KCNH1: variants seen among roughly 807,000 people sequenced by gnomAD.
The protein encoded by KCNH1 is potassium voltage-gated channel subfamily H member 1.
KCNH1 carries 27 observed loss-of-function variants against 69.2 expected under a neutral mutation model. The observed-to-expected ratio is 0.39, with a 90% CI of 0.29 to 0.54. The LOEUF (loss-of-function observed/expected upper bound fraction) is 0.54. Among genes scored for constraint, KCNH1 ranks in the 20% least tolerant of loss-of-function variants. The probability of loss-of-function intolerance (pLI) is 0.68; values close to 1 mark genes in which losing one functional copy is unlikely to be tolerated. For synonymous variants in KCNH1, 456 were observed against 487.7 expected, an observed-to-expected ratio of 0.93 and a Z score of 0.86; for missense variants, 798 against 1,261.6, an observed-to-expected ratio of 0.63 and a Z score of 5.57.
intron 7 of KCNH1, among the ~76,000 whole-genome samples, chr1:210,821,740 CTATT>C (rs1269157729): frequency 6.6e-6 from 1 of 152,088 alleles, no homozygotes; most frequent in Non-Finnish European, 1.5e-5. Flanking sequence ...AGCTGTACGA[CTATT>C]TAATTTGAAA....
chr1:210,754,251 A>T (rs1477278815), intron 10 of KCNH1, among the ~76,000 whole-genome samples: 1 of 152,104 alleles, frequency 6.6e-6, no homozygotes, highest in East Asian at 1.9e-4. Context: ...CCAAAGGGAA[A>T]AAAATACTTC....
intron 10 of KCNH1, among the ~76,000 whole-genome samples, chr1:210,703,295 A>G (rs1480418362): frequency 6.6e-6 from 1 of 152,226 alleles, no homozygotes; most frequent in African/African-American, 2.4e-5. Flanking sequence ...AGATCACAGA[A>G]AAGGAAATTT....
At chr1:210,850,323 C>T (rs1216803355) in intron 7 of KCNH1, among the ~76,000 whole-genome samples, 1 of 151,948 alleles carries the variant, frequency 6.6e-6, no homozygotes, top group African/African-American at 2.4e-5. Flanking sequence ...CATGGTGAAA[C>T]CCAGTCTCTA....
chr1:210,788,962 C>T (rs1326896994), intron 9 of KCNH1, among the ~76,000 whole-genome samples: 3 of 149,026 alleles, frequency 2.0e-5, no homozygotes, highest in South Asian at 4.2e-4. Flanking sequence ...TCCCAAAGTG[C>T]TGGGATTACA....
intron 7 of KCNH1, among the ~76,000 whole-genome samples, chr1:210,814,209 G>A (rs1455211839): frequency 1.3e-5 from 2 of 152,072 alleles, no homozygotes; most frequent in Non-Finnish European, 2.9e-5. Context: ...GGAGACAAGA[G>A]ATGCAATTTG....
intron 10 of KCNH1, among the ~76,000 whole-genome samples, chr1:210,742,517 C>T (rs17016833): frequency 0.011 from 1,653 of 152,302 alleles, 76 homozygotes; most frequent in Admixed American, 0.075. Context: ...TGGGATTTCT[C>T]CTGGTACAAT....
intron 7 of KCNH1, among the ~76,000 whole-genome samples, chr1:210,911,907 C>G (rs1687239798): frequency 6.6e-6 from 1 of 152,152 alleles, no homozygotes; most frequent in East Asian, 1.9e-4. Flanking sequence ...CCCTCTTTCC[C>G]TTCCTGATTC....
intron 5 of KCNH1, among the ~76,000 whole-genome samples, chr1:211,060,386 G>A (rs6657055): frequency 0.38 from 44,192 of 116,814 alleles, 8,439 homozygotes; most frequent in Middle Eastern, 0.49. Context: ...GGGCGACAGA[G>A]CGAGACTCCG....
intron 3 of KCNH1, among the ~76,000 whole-genome samples, chr1:211,092,613 AG>A (rs1225669930): frequency 6.6e-6 from 1 of 152,208 alleles, no homozygotes; most frequent in African/African-American, 2.4e-5. Context: ...AGCATTTCAA[AG>A]TCAAGAATAT....
chr1:210,788,900 T>A (rs893864391), intron 9 of KCNH1, among the ~76,000 whole-genome samples: 1 of 148,618 alleles, frequency 6.7e-6, no homozygotes, highest in Middle Eastern at 3.4e-3. Flanking sequence ...GTTTCACCGT[T>A]TTAGCCGGGA....
intron 10 of KCNH1, among the ~76,000 whole-genome samples, chr1:210,736,817 C>CA (rs1461209084): frequency 6.6e-6 from 1 of 152,152 alleles, no homozygotes; most frequent in Non-Finnish European, 1.5e-5. Flanking sequence ...CATCAAGGCT[C>CA]TAATTCTCAC....
chr1:210,715,848 G>A (rs1048613157), intron 10 of KCNH1, among the ~76,000 whole-genome samples: 4 of 152,102 alleles, frequency 2.6e-5, no homozygotes. Context: ...AACCTCGGTG[G>A]AAGGTTTCCT....
chr1:210,780,993 G>A (rs1683968558), intron 9 of KCNH1, among the ~76,000 whole-genome samples: 1 of 152,162 alleles, frequency 6.6e-6, no homozygotes, highest in Non-Finnish European at 1.5e-5. Flanking sequence ...CTTGCAGTGA[G>A]CCGAGATCGC....
chr1:211,096,334 G>T (rs1316636459), intron 3 of KCNH1, among the ~76,000 whole-genome samples: 1 of 152,034 alleles, frequency 6.6e-6, no homozygotes, highest in African/African-American at 2.4e-5. Flanking sequence ...AAAGTGCTGT[G>T]ATTACAGGTG....
intron 7 of KCNH1, among the ~76,000 whole-genome samples, chr1:210,917,477 A>G (rs563439009): frequency 6.6e-6 from 1 of 152,250 alleles, no homozygotes; most frequent in Non-Finnish European, 1.5e-5. Context: ...CATTTTGGGG[A>G]AAACAAAAAA....
intron 10 of KCNH1, among the ~76,000 whole-genome samples, chr1:210,685,809 A>G (rs893350314): frequency 2.6e-5 from 4 of 152,190 alleles, no homozygotes; most frequent in Non-Finnish European, 5.9e-5. Context: ...ATGACCAACA[A>G]GATGATTGTT....
chr1:211,006,066 A>G (rs945904281), intron 6 of KCNH1, among the ~76,000 whole-genome samples: 1 of 152,192 alleles, frequency 6.6e-6, no homozygotes, highest in African/African-American at 2.4e-5. Context: ...AACTCATTGG[A>G]TTAGGTAGAA....
chr1:210,712,098 C>T (rs758067191), intron 10 of KCNH1, among the ~76,000 whole-genome samples: 56 of 152,230 alleles, frequency 3.7e-4, no homozygotes, highest in Non-Finnish European at 6.9e-4. Flanking sequence ...GCCATTAACA[C>T]CATGAAGTCT....
In KCNH1 at chr1:210,975,586, T is replaced by C. The variant is rs142976635; in HGVS notation, c.1032+43197A>G. 5.8e-3 allele frequency among the ~76,000 whole-genome samples: 886 copies of C among 152,278 alleles called. 12 individuals carry two copies. Among genetic ancestry groups the C allele is most frequent in the African/African-American group, 0.02 (843 of 41,540 alleles). On this transcript the variant is annotated intron_variant, in intron 6 of 10. Coordinates refer to ENST00000271751, the MANE Select transcript of KCNH1 (RefSeq NM_172362.3). Reference sequence around the variant, plus strand: ...AACTGGATCCCTTCCTTACACCTTATACAACAATTAATTGAAGATGGATTA... The same window carrying C: ...AACTGGATCCCTTCCTTACACCTTACACAACAATTAATTGAAGATGGATTA...
Sources: gnomAD v4.1 joint callset for allele counts (sites outside exome capture counted in the v4.1 genomes callset) on GRCh38, gnomAD v4.1.1 for gene constraint, MANE v1.5 for transcripts, NCBI Gene and HGNC (gene_info 2026-07-23, HGNC 2026-07-21) for gene names.